IL19: variants seen among roughly 807,000 people sequenced by gnomAD.
IL19 encodes the protein interleukin 19.
A neutral mutation model predicts 19.5 loss-of-function variants in IL19; 15 were observed. The ratio of observed to expected loss-of-function variants is 0.77; its 90% CI spans 0.52 to 1.19. IL19 has a LOEUF of 1.19. Ranked by LOEUF, IL19 falls within the 50% of genes most tolerant of loss-of-function variation. IL19 has a pLI of 0.00. For synonymous variants in IL19, 78 were observed against 78.3 expected (o/e 1.00, Z 0.02); for missense variants, 199 against 213.1 (o/e 0.93, Z 0.41).
chr1:206,771,400 G>T, intron 1 of IL19: 1 of 1,611,848 alleles, frequency 6.2e-7, no homozygotes, highest in Non-Finnish European at 8.5e-7. Context: ...AAGTTGTCCA[G>T]CTGATCCTTC....
At chr1:206,789,262 C>G (rs1675337372) in intron 1 of IL19, among the ~76,000 whole-genome samples, 1 of 152,174 alleles carries the variant, frequency 6.6e-6, no homozygotes, top group Non-Finnish European at 1.5e-5. Flanking sequence ...TCATTAGACA[C>G]TATGGAACCT....
rs77602558 is a variant in IL19 at position 206,830,425 on chromosome 1, C to CT, written c.-2-6227dup. Among the ~76,000 whole-genome samples the CT allele has an allele frequency of 1.6e-3, 245 of 150,788 alleles. 2 individuals carry two copies. In the East Asian group the frequency reaches 0.017, roughly 11 times the overall value. ...TAAATTTCCCAGTTCTTTTTCTCAC[C>CT]TTTTTTTTTGTTTTATTTTCAAAGC... On this transcript the variant is annotated intron_variant, in intron 2 of 6. Coordinates refer to ENST00000659997, the MANE Select transcript of IL19 (RefSeq NM_153758.5).
intron 1 of IL19, among the ~76,000 whole-genome samples, chr1:206,776,764 C>T (rs1174117909): frequency 6.6e-6 from 1 of 151,934 alleles, no homozygotes; most frequent in Admixed American, 6.6e-5. Flanking sequence ...AAAGAAATAG[C>T]CAATCATCTA....
At chr1:206,784,078 A>C (rs1375591614) in intron 1 of IL19, among the ~76,000 whole-genome samples, 1 of 152,210 alleles carries the variant, frequency 6.6e-6, no homozygotes, top group Non-Finnish European at 1.5e-5. Context: ...TGAGGATGTT[A>C]CAGGGAGACA....
intron 1 of IL19, among the ~76,000 whole-genome samples, chr1:206,780,132 C>G (rs185367549): frequency 2.0e-5 from 3 of 152,318 alleles, no homozygotes; most frequent in African/African-American, 7.2e-5. Context: ...GGTCAGGCCC[C>G]CTGGGTGTAT....
chr1:206,825,381 C>A (rs999584338), intron 2 of IL19, among the ~76,000 whole-genome samples: 2 of 152,188 alleles, frequency 1.3e-5, no homozygotes, highest in Non-Finnish European at 2.9e-5. Context: ...ATGCAGCTGG[C>A]CAACTTGAAT....
At chr1:206,801,180 A>C (rs1675672429) in intron 2 of IL19, among the ~76,000 whole-genome samples, 1 of 151,882 alleles carries the variant, frequency 6.6e-6, no homozygotes, top group Non-Finnish European at 1.5e-5. Context: ...AAAAAAAAAA[A>C]AAAACCACAG....
At chr1:206,818,746 C>G (rs1229303646) in intron 2 of IL19, among the ~76,000 whole-genome samples, 2 of 152,028 alleles carry the variant, frequency 1.3e-5, no homozygotes, top group Admixed American at 6.6e-5. Flanking sequence ...AATTGTTTCT[C>G]TGCTCCAGAT....
At chr1:206,775,341 T>C (rs993458491) in intron 1 of IL19, among the ~76,000 whole-genome samples, 1 of 152,148 alleles carries the variant, frequency 6.6e-6, no homozygotes, top group African/African-American at 2.4e-5. Context: ...CATGAGCCAC[T>C]GTGCCCGGCC....
At chr1:206,837,818 C>T (rs1057167403) in intron 4 of IL19, among the ~76,000 whole-genome samples, 10 of 152,128 alleles carry the variant, frequency 6.6e-5, no homozygotes. Flanking sequence ...TGTCAATGCA[C>T]TCCAGCCTGG....
Position 206,806,121 on chromosome 1 carries a change from TG to T in IL19, c.-3+7118del, listed in dbSNP as rs531593703. On this transcript the variant is annotated intron_variant, in intron 2 of 6. Transcript: ENST00000659997. ...CTCGTTGATTTTGATTGGCTTGGCT[TG>T]GGTCATGTACTCACCCTTGAATCAA... is the stretch of plus-strand genomic sequence containing the variant. Among the ~76,000 whole-genome samples, 66 of 152,334 alleles carry T rather than the reference TG, an allele frequency of 4.3e-4. 1 individual carries two copies. The South Asian group carries it at 0.011, about 26-fold the overall frequency.
intron 5 of IL19, 136 bp from the exon 6 acceptor site, chr1:206,840,868 C>T: frequency 1.4e-6 from 1 of 708,148 alleles, no homozygotes; most frequent in South Asian, 1.7e-5. Context: ...TCCGTGGCTG[C>T]TCCCACCTGA....
At chr1:206,792,625 T>A (rs1675435192) in intron 1 of IL19, among the ~76,000 whole-genome samples, 1 of 152,038 alleles carries the variant, frequency 6.6e-6, no homozygotes, top group African/African-American at 2.4e-5. Context: ...CCCAGCTAAT[T>A]TTTGTATTTT....
intron 2 of IL19, among the ~76,000 whole-genome samples, chr1:206,836,225 A>C (rs1429203718): frequency 6.6e-6 from 1 of 152,234 alleles, no homozygotes; most frequent in Non-Finnish European, 1.5e-5. Flanking sequence ...GCAAACATCA[A>C]AAACCAAGTG....
intron 4 of IL19, among the ~76,000 whole-genome samples, chr1:206,838,779 CCCT>C (rs1676892948): frequency 6.7e-6 from 1 of 148,232 alleles, no homozygotes; most frequent in Non-Finnish European, 1.5e-5. Context: ...CCCTTCCCTT[CCCT>C]TCCCTTCCCT....
intron 2 of IL19, among the ~76,000 whole-genome samples, chr1:206,825,544 G>A (rs927540432): frequency 6.6e-6 from 1 of 152,248 alleles, no homozygotes; most frequent in Non-Finnish European, 1.5e-5. Flanking sequence ...AGCCAGGATT[G>A]CCTGTCTCCA....
intron 2 of IL19, among the ~76,000 whole-genome samples, chr1:206,818,923 C>T (rs559411122): frequency 9.9e-5 from 15 of 151,816 alleles, no homozygotes; most frequent in African/African-American, 2.9e-4. Context: ...AGCGATTCTC[C>T]TGCCTCAGCC....
chr1:206,811,184 C>T (rs149784779), intron 2 of IL19, among the ~76,000 whole-genome samples: 2,270 of 152,084 alleles, frequency 0.015, 32 homozygotes, highest in Non-Finnish European at 0.021. Flanking sequence ...TTTAGTGAGG[C>T]GAATTGATCA....
At chr1:206,803,936 A>G (rs1675779285) in intron 2 of IL19, among the ~76,000 whole-genome samples, 1 of 152,220 alleles carries the variant, frequency 6.6e-6, no homozygotes, top group Non-Finnish European at 1.5e-5. Flanking sequence ...TGCTCTAGGA[A>G]ATAGCACTTG....
Sources: gnomAD v4.1 joint callset for allele counts (sites outside exome capture counted in the v4.1 genomes callset) on GRCh38, gnomAD v4.1.1 for gene constraint, MANE v1.5 for transcripts, NCBI Gene and HGNC (gene_info 2026-07-23, HGNC 2026-07-21) for gene names.